Variants in RANBP17 observed in about 807,000 individuals in gnomAD.
RANBP17 encodes the protein ran-binding protein 17.
Under a neutral mutation model 141.2 loss-of-function variants are expected in RANBP17, and 158 were observed. That is an observed-to-expected ratio of 1.12 (90% CI 0.98 to 1.28). RANBP17 has a LOEUF of 1.28. RANBP17 is among the 50% of genes most tolerant of loss of function. The pLI is 0.00. For synonymous variants in RANBP17, 430 were observed against 450.0 expected, an observed-to-expected ratio of 0.96 and a Z score of 0.56; for missense variants, 1,438 against 1,290.7, an observed-to-expected ratio of 1.11 and a Z score of -1.75.
intron 1 of RANBP17, among the ~76,000 whole-genome samples, chr5:170,869,918 T>C (rs1243251364): frequency 1.3e-5 from 2 of 152,192 alleles, no homozygotes; most frequent in African/African-American, 2.4e-5. Flanking sequence ...TGACACTAAC[T>C]CTTAATCCTC....
At chr5:171,088,507 C>A (rs1581602477) in intron 14 of RANBP17, among the ~76,000 whole-genome samples, 1 of 152,094 alleles carries the variant, frequency 6.6e-6, no homozygotes, top group African/African-American at 2.4e-5. Context: ...TGAATGTTGG[C>A]CTGCCTTGCT....
At chr5:171,170,464 A>G (rs938326992) in intron 15 of RANBP17, among the ~76,000 whole-genome samples, 5 of 152,096 alleles carry the variant, frequency 3.3e-5, no homozygotes, top group African/African-American at 1.2e-4. Flanking sequence ...AAAGATTTAC[A>G]GACCTTGACT....
Position 171,065,309 on chromosome 5 carries a change from G to A in RANBP17, c.1710+96932G>A, listed in dbSNP as rs146030138. Among the ~76,000 whole-genome samples, 4 of 152,106 alleles carry A rather than the reference G, an allele frequency of 2.6e-5. No individual in the cohort carries two copies. The East Asian group carries it at 7.7e-4, about 29-fold the overall frequency. Reference sequence around the variant, plus strand: ...ATTTTCCACAGAATGGGGGGGTGGGGTGAAGGGGACGGTTTTGGCATGAAA... The same window carrying A: ...ATTTTCCACAGAATGGGGGGGTGGGATGAAGGGGACGGTTTTGGCATGAAA... On this transcript the variant is annotated intron_variant, in intron 14 of 27. Transcript: ENST00000523189.
chr5:171,283,129 C>T (rs1767952079), intron 25 of RANBP17, among the ~76,000 whole-genome samples: 1 of 152,180 alleles, frequency 6.6e-6, no homozygotes, highest in South Asian at 2.1e-4. Flanking sequence ...ATGAAGCCAT[C>T]CCTGGCTGCT....
At chr5:171,065,059 C>T (rs1581542301) in intron 14 of RANBP17, among the ~76,000 whole-genome samples, 2 of 148,084 alleles carry the variant, frequency 1.4e-5, no homozygotes, top group African/African-American at 5.0e-5. Flanking sequence ...TAGTTAGGAA[C>T]CCTTTCCTTA....
intron 25 of RANBP17, among the ~76,000 whole-genome samples, chr5:171,275,408 TA>T (rs1767423595): frequency 6.6e-6 from 1 of 152,232 alleles, no homozygotes; most frequent in Non-Finnish European, 1.5e-5. Context: ...CTGGAAATGG[TA>T]CAGTGTGCTT....
intron 13 of RANBP17, among the ~76,000 whole-genome samples, chr5:170,957,107 A>ACACACACACGCG (rs542213195): frequency 4.7e-5 from 7 of 150,534 alleles, no homozygotes; most frequent in South Asian, 4.3e-4. Context: ...ACACACACAC[A>ACACACACACGCG]CGCGCACACT....
chr5:171,084,196 G>C (rs1049005338), intron 14 of RANBP17, among the ~76,000 whole-genome samples: 20 of 148,000 alleles, frequency 1.4e-4, no homozygotes, highest in African/African-American at 4.5e-4. Context: ...CCACCTATGA[G>C]TGAGAATATG....
chr5:170,863,840 C>T lies in RANBP17; in HGVS notation c.18+1789C>T, dbSNP rs182303178. On this transcript the variant is annotated intron_variant, in intron 1 of 27. Coordinates refer to ENST00000523189, the MANE Select transcript of RANBP17 (RefSeq NM_022897.5). ...ATATTGGTTTTGCAGGAATGTACTT[C>T]ACAGTACATTCCAACATAAGTACTT... Among the ~76,000 whole-genome samples the T allele has an allele frequency of 1.8e-3, 275 of 150,694 alleles. 1 individual carries two copies. Among genetic ancestry groups the T allele is most frequent in the African/African-American group, 6.2e-3 (257 of 41,462 alleles).
rs573968205 is a variant in RANBP17, at chr5:171,246,176, C to T, written c.2776+3356C>T. Among the ~76,000 whole-genome samples the T allele has an allele frequency of 1.0e-3, 157 of 152,260 alleles. 2 individuals carry two copies. The highest frequency in any genetic ancestry group is 3.6e-3 in the African/African-American group (148 of 41,556). Reference sequence around the variant, plus strand: ...GATTACAGGTGTGAGCCACCGCACCCGGCCTTTTCTCATACTTTTATAAGT... The same window carrying T: ...GATTACAGGTGTGAGCCACCGCACCTGGCCTTTTCTCATACTTTTATAAGT... On this transcript the variant is annotated intron_variant, in intron 24 of 27. Transcript: ENST00000523189.
chr5:171,078,865 G>A (rs931905785), intron 14 of RANBP17, among the ~76,000 whole-genome samples: 6 of 152,204 alleles, frequency 3.9e-5, no homozygotes, highest in African/African-American at 1.4e-4. Flanking sequence ...GAATATTGTT[G>A]TTTTCATGTC....
intron 14 of RANBP17, among the ~76,000 whole-genome samples, chr5:171,063,054 C>T (rs1432318843): frequency 6.6e-6 from 1 of 152,196 alleles, no homozygotes; most frequent in East Asian, 1.9e-4. Context: ...TCTAGTTATA[C>T]ATTCATCTAA....
chr5:171,167,211 G>A (rs1338218721), intron 14 of RANBP17, among the ~76,000 whole-genome samples: 1 of 151,972 alleles, frequency 6.6e-6, no homozygotes, highest in East Asian at 1.9e-4. Context: ...TGAATGCCAG[G>A]GACACGGTAG....
At chr5:170,944,708 G>A (rs1011231377) in intron 12 of RANBP17, among the ~76,000 whole-genome samples, 2 of 152,094 alleles carry the variant, frequency 1.3e-5, no homozygotes, top group African/African-American at 4.8e-5. Context: ...CTAAAACAGA[G>A]TAAATATGTA....
chr5:170,922,757 C>T (rs1039024796), intron 11 of RANBP17, among the ~76,000 whole-genome samples: 90 of 152,256 alleles, frequency 5.9e-4, no homozygotes, highest in African/African-American at 2.0e-3. Flanking sequence ...GGGAAATCCC[C>T]TGACCCCTTG....
At chr5:170,874,312 T>G (rs1294572439) in intron 1 of RANBP17, among the ~76,000 whole-genome samples, 1 of 152,196 alleles carries the variant, frequency 6.6e-6, no homozygotes, top group Non-Finnish European at 1.5e-5. Flanking sequence ...TATTCTGTTT[T>G]GGGGTGGAGA....
At chr5:171,036,209 T>C (rs1781873389) in intron 14 of RANBP17, among the ~76,000 whole-genome samples, 1 of 152,172 alleles carries the variant, frequency 6.6e-6, no homozygotes, top group Admixed American at 6.5e-5. Flanking sequence ...CTCTCCCCAG[T>C]GTCTCTTGTT....
chr5:171,247,245 T>G (rs72829404), intron 24 of RANBP17, among the ~76,000 whole-genome samples: 32,265 of 152,104 alleles, frequency 0.21, 3,482 homozygotes, highest in East Asian at 0.28. Flanking sequence ...TGGTAGAGAT[T>G]ATTTTCTTTG....
intron 14 of RANBP17, among the ~76,000 whole-genome samples, chr5:171,094,485 T>C (rs898531798): frequency 3.3e-5 from 5 of 152,194 alleles, no homozygotes; most frequent in Admixed American, 2.0e-4. Context: ...TATTTTTATA[T>C]AATGATCTGT....
Sources: gnomAD v4.1 joint callset for allele counts (sites outside exome capture counted in the v4.1 genomes callset) on GRCh38, gnomAD v4.1.1 for gene constraint, MANE v1.5 for transcripts, NCBI Gene and HGNC (gene_info 2026-07-23, HGNC 2026-07-21) for gene names.